Variants in CCDC13 observed in about 807,000 individuals in gnomAD.
CCDC13 encodes coiled-coil domain-containing protein 13.
A neutral mutation model predicts 87.3 loss-of-function variants in CCDC13; 70 were observed. That is an observed-to-expected ratio of 0.80 (90% CI 0.66 to 0.98). The LOEUF is 0.98. CCDC13 is among the 50% of genes least tolerant of loss of function. CCDC13 has a pLI of 0.00. For synonymous variants in CCDC13, 317 were observed against 360.3 expected, an observed-to-expected ratio of 0.88 and a Z score of 1.36; for missense variants, 842 against 892.0, an observed-to-expected ratio of 0.94 and a Z score of 0.71.
intron 1 of CCDC13, among the ~76,000 whole-genome samples, chr3:42,768,179 C>G (rs1699972034): frequency 1.3e-5 from 2 of 152,136 alleles, no homozygotes; most frequent in Non-Finnish European, 2.9e-5. Context: ...AATCTAGACA[C>G]AGACCTCATC....
At chr3:42,730,881 G>A (rs1458304411) in intron 12 of CCDC13, among the ~76,000 whole-genome samples, 1 of 152,154 alleles carries the variant, frequency 6.6e-6, no homozygotes, top group Non-Finnish European at 1.5e-5. Context: ...GCTGTGGCAG[G>A]TGGCTCTTGG....
At chr3:42,726,758 C>T (rs963027012) in intron 13 of CCDC13, among the ~76,000 whole-genome samples, 1 of 151,678 alleles carries the variant, frequency 6.6e-6, no homozygotes, top group African/African-American at 2.4e-5. Context: ...TGTAAAGTCA[C>T]ACATATATAC....
At chr3:42,766,548 T>C (rs1385953911) in intron 1 of CCDC13, among the ~76,000 whole-genome samples, 1 of 147,880 alleles carries the variant, frequency 6.8e-6, no homozygotes, top group Non-Finnish European at 1.5e-5. Context: ...CTCACTGCAG[T>C]GAGCCATGAT....
intron 8 of CCDC13, among the ~76,000 whole-genome samples, chr3:42,740,416 C>G (rs1015060698): frequency 1.3e-5 from 2 of 152,160 alleles, no homozygotes; most frequent in South Asian, 4.1e-4. Context: ...TGAGGGCCTA[C>G]TATGGGTTTC....
intron 1 of CCDC13, among the ~76,000 whole-genome samples, chr3:42,760,436 G>C (rs1183808171): frequency 2.6e-5 from 4 of 152,086 alleles, no homozygotes; most frequent in Admixed American, 2.6e-4. Context: ...GGCCAAAATG[G>C]AGAAACCCCA....
chr3:42,721,175 C>T, intron 13 of CCDC13, among the ~76,000 whole-genome samples: 1 of 152,312 alleles, frequency 6.6e-6, no homozygotes, highest in African/African-American at 2.4e-5. Flanking sequence ...ATAATTATTA[C>T]ATAAAATCAT....
intron 7 of CCDC13, chr3:42,745,701 G>A: frequency 2.6e-6 from 1 of 391,940 alleles, no homozygotes; most frequent in Non-Finnish European, 4.6e-6. Context: ...CCAGTGCCTG[G>A]CATGTGCTAA....
Position 42,770,880 on chromosome 3 carries a change from A to G in CCDC13, c.-7+2296T>C, listed in dbSNP as rs138081434. 980 of 152,882 alleles carry G rather than the reference A, an allele frequency of 6.4e-3. 2 individuals are homozygous for G. The highest frequency in any genetic ancestry group is 0.01 in the Non-Finnish European group (692 of 68,524). The allele number at this position is 152,882 out of a possible 1,614,324, so 9.5% of individuals were successfully genotyped here. ...AGACCATGAACCCACCAAAAGGAAGAAACTCTGAACACATCTTGACATCAG... is the reference window on the plus strand; with the variant it reads ...AGACCATGAACCCACCAAAAGGAAGGAACTCTGAACACATCTTGACATCAG... On this transcript the variant is annotated intron_variant, in intron 1 of 15. Transcript: ENST00000310232.
intron 1 of CCDC13, among the ~76,000 whole-genome samples, chr3:42,767,231 AG>A (rs1699949508): frequency 6.6e-6 from 1 of 152,188 alleles, no homozygotes; most frequent in South Asian, 2.1e-4. Context: ...GGTTGCAAGA[AG>A]TAAGGTTAAT....
Position 42,735,694 on chromosome 3 carries a change from G to T in CCDC13, c.1371+13C>A. On this transcript the variant is annotated intron_variant, in intron 10 of 15. Coordinates refer to ENST00000310232, the MANE Select transcript of CCDC13 (RefSeq NM_144719.4). ...TTGAAAATGGGTTTGGGCGCTGCCA[G>T]TGCCCTACTCACGTGCACATTGAGT... 1.2e-6 allele frequency: 2 copies of T among 1,612,590 alleles called. No individual in the cohort carries two copies. The highest frequency in any genetic ancestry group is 1.7e-6 in the Non-Finnish European group (2 of 1,178,750).
chr3:42,727,233 G>A (rs898553028), intron 13 of CCDC13, among the ~76,000 whole-genome samples: 16 of 151,992 alleles, frequency 1.1e-4, no homozygotes, highest in African/African-American at 2.4e-5. Flanking sequence ...TTAGCTGGGC[G>A]TAGTGGCTCA....
chr3:42,764,795 T>C (rs1161883126), intron 1 of CCDC13, among the ~76,000 whole-genome samples: 1 of 152,192 alleles, frequency 6.6e-6, no homozygotes, highest in Non-Finnish European at 1.5e-5. Flanking sequence ...CAGGGCACTC[T>C]GTGGACTCCC....
At chr3:42,735,635 A>G in intron 10 of CCDC13, 72 bp downstream of exon 10, 1 of 1,499,640 alleles carries the variant, frequency 6.7e-7, no homozygotes, top group Non-Finnish European at 9.2e-7. Context: ...GGCAAGTGGA[A>G]AGAAGTGGAA....
chr3:42,721,484 T>C (rs948037423), intron 13 of CCDC13, among the ~76,000 whole-genome samples: 35 of 152,266 alleles, frequency 2.3e-4, no homozygotes, highest in Non-Finnish European at 4.1e-4. Context: ...GTAATCTTTT[T>C]AATTTTGTTT....
rs1553690701 is a variant in CCDC13, at chr3:42,743,587, T to TTATATATA, written c.826-538_826-531dup. 7.2e-4 allele frequency among the ~76,000 whole-genome samples: 70 copies of TTATATATA among 97,678 alleles called. 2 individuals are homozygous for TTATATATA. Among genetic ancestry groups the TTATATATA allele is most frequent in the African/African-American group, 3.2e-3 (63 of 19,952 alleles). 64.1% of individuals were successfully genotyped at this position (97,678 alleles called of 152,430 possible). A position where few individuals can be genotyped will look rare whatever the true frequency, so the allele number is the denominator to read the frequency against. On this transcript the variant is annotated intron_variant, in intron 7 of 15. Coordinates refer to ENST00000310232, the MANE Select transcript of CCDC13 (RefSeq NM_144719.4). ...CACAGGCAACTGTGCCTGGATAATT[T>TTATATATA]TATATATATATATACACACACACAT...
At chr3:42,704,394 T>G (rs1374598043), downstream of CCDC13, 1 of 152,280 alleles carries the variant, frequency 6.6e-6, no homozygotes, top group Non-Finnish European at 1.5e-5. Flanking sequence ...CCTGAGCTGG[T>G]GTGACCCACT....
intron 3 of CCDC13, among the ~76,000 whole-genome samples, chr3:42,756,051 G>A (rs574279168): frequency 2.6e-5 from 4 of 152,266 alleles, no homozygotes; most frequent in Admixed American, 1.3e-4. Context: ...TGAGTCTTTA[G>A]GATACCAAAT....
chr3:42,727,150 TC>T (rs1698709660), intron 13 of CCDC13, among the ~76,000 whole-genome samples: 1 of 152,056 alleles, frequency 6.6e-6, no homozygotes, highest in Admixed American at 6.6e-5. Context: ...GGCAGGCAGA[TC>T]ACCTGAGGTC....
chr3:42,731,934 C>T (rs967627681), intron 12 of CCDC13, among the ~76,000 whole-genome samples: 5 of 152,204 alleles, frequency 3.3e-5, no homozygotes, highest in African/African-American at 1.2e-4. Flanking sequence ...AGGCACAGAG[C>T]AGCTCCTGTA....
Sources: gnomAD v4.1 joint callset for allele counts (sites outside exome capture counted in the v4.1 genomes callset) on GRCh38, gnomAD v4.1.1 for gene constraint, MANE v1.5 for transcripts, NCBI Gene and HGNC (gene_info 2026-07-23, HGNC 2026-07-21) for gene names.